RMDN2: variants seen among roughly 807,000 people sequenced by gnomAD.
RMDN2 encodes regulator of microtubule dynamics protein 2.
In RMDN2, 61 loss-of-function variants were observed where a neutral mutation model predicts 52.8. The observed-to-expected ratio is 1.16, with a 90% confidence interval of 0.94 to 1.43. The LOEUF is 1.43. Ranked by LOEUF, RMDN2 falls within the 40% of genes most tolerant of loss-of-function variation. RMDN2 has a pLI of 0.00. For missense variants in RMDN2, 592 were observed against 475.3 expected (o/e 1.25, Z -2.28); for synonymous variants, 180 against 153.1 (o/e 1.18, Z -1.30).
At chr2:38,022,441 C>G (rs947841016), downstream of RMDN2, among the ~76,000 whole-genome samples, 11 of 152,290 alleles carry the variant, frequency 7.2e-5, no homozygotes, top group African/African-American at 2.2e-4. Flanking sequence ...CCTGCTAGAT[C>G]ACGAAGTCCA....
At chr2:37,999,839 A>G (rs751146667) in intron 8 of RMDN2, among the ~76,000 whole-genome samples, 2 of 152,118 alleles carry the variant, frequency 1.3e-5, no homozygotes, top group Non-Finnish European at 2.9e-5. Context: ...TGAGAACACT[A>G]GGTTTGGAGT....
intron 7 of RMDN2, among the ~76,000 whole-genome samples, chr2:37,992,794 T>C (rs781320990): frequency 6.6e-6 from 1 of 152,244 alleles, no homozygotes; most frequent in Non-Finnish European, 1.5e-5. Context: ...TGTAAACATA[T>C]ATTGTAGCTC....
chr2:38,059,709 G>A (rs1266147734), intron 10 of RMDN2, among the ~76,000 whole-genome samples: 1 of 152,144 alleles, frequency 6.6e-6, no homozygotes, highest in Non-Finnish European at 1.5e-5. Context: ...CTAGACTGAT[G>A]TAGGGACGTG....
chr2:37,974,591 G>T (rs1428566989), intron 3 of RMDN2: 1 of 151,006 alleles, frequency 6.6e-6, no homozygotes, highest in African/African-American at 2.4e-5. Flanking sequence ...AGTGTTTAGT[G>T]TTGGGTCTGA....
upstream of RMDN2, among the ~76,000 whole-genome samples, chr2:37,923,911 G>A (rs933601976): frequency 3.3e-5 from 5 of 152,176 alleles, no homozygotes; most frequent in Admixed American, 3.3e-4. Flanking sequence ...CACCACACTC[G>A]GCTAATTTTT....
chr2:37,960,302 C>G (rs1359482627), intron 2 of RMDN2, among the ~76,000 whole-genome samples: 1 of 151,252 alleles, frequency 6.6e-6, no homozygotes, highest in Admixed American at 6.6e-5. Flanking sequence ...TCTCTAAGAC[C>G]TTGCTTTATG....
At chr2:37,991,825 G>A (rs974284159) in intron 7 of RMDN2, among the ~76,000 whole-genome samples, 3 of 152,176 alleles carry the variant, frequency 2.0e-5, no homozygotes, top group African/African-American at 4.8e-5. Context: ...GAAGGGATAC[G>A]CGACATATAT....
intron 2 of RMDN2, among the ~76,000 whole-genome samples, chr2:37,947,568 AAC>A (rs1364019547): frequency 6.6e-6 from 1 of 152,160 alleles, no homozygotes; most frequent in Non-Finnish European, 1.5e-5. Flanking sequence ...AAGGAAATAC[AAC>A]AGTTATCCTG....
At chr2:37,966,315 G>C (rs1279869342) in intron 2 of RMDN2, among the ~76,000 whole-genome samples, 1 of 152,030 alleles carries the variant, frequency 6.6e-6, no homozygotes, top group Non-Finnish European at 1.5e-5. Context: ...TACTTGGGAG[G>C]CTGAGGCAGG....
intron 10 of RMDN2, among the ~76,000 whole-genome samples, chr2:38,061,331 C>A (rs1558596098): frequency 6.6e-6 from 1 of 152,188 alleles, no homozygotes; most frequent in Non-Finnish European, 1.5e-5. Context: ...CTGGACCCAC[C>A]AGTGCCATCG....
intron 10 of RMDN2, among the ~76,000 whole-genome samples, chr2:38,012,061 C>G (rs1678074407): frequency 6.6e-6 from 1 of 152,116 alleles, no homozygotes; most frequent in Non-Finnish European, 1.5e-5. Context: ...AGGCTCTGAC[C>G]CAGCTCCTAC....
intron 2 of RMDN2, among the ~76,000 whole-genome samples, chr2:37,941,823 G>T (rs1409149826): frequency 1.3e-5 from 2 of 152,040 alleles, no homozygotes; most frequent in African/African-American, 4.8e-5. Context: ...ATCTTAGTTT[G>T]CTGGGCTCTG....
chr2:37,937,618 T>C (rs1440124652), intron 2 of RMDN2, among the ~76,000 whole-genome samples: 1 of 152,210 alleles, frequency 6.6e-6, no homozygotes, highest in Non-Finnish European at 1.5e-5. Flanking sequence ...TTCACATCCC[T>C]TCTAAGTTGT....
chr2:37,936,256 C>G, intron 2 of RMDN2, among the ~76,000 whole-genome samples: 1 of 152,186 alleles, frequency 6.6e-6, no homozygotes, highest in African/African-American at 2.4e-5. Context: ...GCATGGTATT[C>G]CATAGTGTGT....
chr2:38,033,149 C>T (rs548011398), intron 10 of RMDN2: 1 of 152,174 alleles, frequency 6.6e-6, no homozygotes, highest in African/African-American at 2.4e-5. Context: ...GTTCTCTGAC[C>T]AGTGACGTCA....
At chr2:37,955,891 G>GA (rs1669391746) in intron 2 of RMDN2, among the ~76,000 whole-genome samples, 1 of 152,074 alleles carries the variant, frequency 6.6e-6, no homozygotes, top group Non-Finnish European at 1.5e-5. Context: ...TGCATTCCTG[G>GA]AATAAATTCC....
At chr2:37,921,718 T>G (rs151239519), upstream of RMDN2, among the ~76,000 whole-genome samples, 223 of 152,196 alleles carry the variant, frequency 1.5e-3, no homozygotes, top group African/African-American at 5.2e-3. Context: ...TGGGCTGGGT[T>G]AAGAGAAAAG....
chr2:37,925,013 G>A (rs991615275), upstream of RMDN2, among the ~76,000 whole-genome samples: 5 of 152,208 alleles, frequency 3.3e-5, no homozygotes, highest in Non-Finnish European at 5.9e-5. Context: ...CTGGCGGTGG[G>A]CGTGCGGAGT....
Position 37,929,313 on chromosome 2 carries a change from C to A in RMDN2, c.36C>A (p.Gly12=), listed in dbSNP as rs1666533560. The A allele has an allele frequency of 6.5e-7, 1 of 1,546,168 alleles. No homozygotes were observed. Among genetic ancestry groups the A allele is most frequent in the African/African-American group, 1.4e-5 (1 of 72,822 alleles). Reference sequence around the variant, plus strand: ...CCACAAACAAAGAGTTGATACTTGGCATCATGGTGGGCACTGCTGGAATCA... The same window carrying A: ...CCACAAACAAAGAGTTGATACTTGGAATCATGGTGGGCACTGCTGGAATCA... ...PYSTNKELIL[G]IMVGTAGISL... is the part of the protein sequence containing the mutation. The change falls in exon 2 of 11, where the codon GGC becomes GGA. Residue 12 remains glycine (G), a synonymous_variant. Coordinates refer to ENST00000354545, the MANE Select transcript of RMDN2 (RefSeq NM_001170791.3).
Sources: allele counts gnomAD v4.1 joint callset (sites outside exome capture counted in the v4.1 genomes callset), GRCh38; gene constraint gnomAD v4.1.1; transcripts MANE v1.5; gene names NCBI Gene and HGNC (gene_info 2026-07-23, HGNC 2026-07-21).